STARD9: variants seen among roughly 807,000 people sequenced by gnomAD.
STARD9 encodes the protein stAR-related lipid transfer protein 9.
A neutral mutation model predicts 399.8 loss-of-function variants in STARD9; 346 were observed. The ratio of observed to expected loss-of-function variants is 0.87; its 90% CI spans 0.79 to 0.95. STARD9 has a LOEUF of 0.95. Among genes scored for constraint, STARD9 ranks in the 40% least tolerant of loss-of-function variants. The pLI is 0.00. For missense variants in STARD9, 5,832 were observed against 5,667.5 expected, an observed-to-expected ratio of 1.03 and a Z score of -0.93; for synonymous variants, 2,203 against 2,143.5, an observed-to-expected ratio of 1.03 and a Z score of -0.77.
intron 4 of STARD9, among the ~76,000 whole-genome samples, chr15:42,637,110 G>A (rs1242869252): frequency 1.3e-5 from 2 of 150,808 alleles, no homozygotes; most frequent in South Asian, 2.1e-4. Context: ...GCCACTAAAC[G>A]AAAAGTATAA....
chr15:42,718,957 C>G, intron 32 of STARD9, 47 bp downstream of exon 32: 1 of 1,503,828 alleles, frequency 6.6e-7, no homozygotes, highest in East Asian at 2.5e-5. Flanking sequence ...CTGACTTGGT[C>G]CCACAGCCCC....
rs1379939096 is a variant in STARD9 at position 42,665,923 on chromosome 15, G to A, written c.1317+75G>A. 2.3e-6 allele frequency: 3 copies of A among 1,285,904 alleles called. No individual in the cohort carries two copies. In the African/African-American group the frequency reaches 4.4e-5, roughly 19 times the overall value. 79.7% of individuals were successfully genotyped at this position (1,285,904 alleles called of 1,614,324 possible). ...CTCCATTATTCCGGAGCTAGGTAGGGTTGCTCCCTTGGCAGGGCAGAGAAG... is the reference window on the plus strand; with the variant it reads ...CTCCATTATTCCGGAGCTAGGTAGGATTGCTCCCTTGGCAGGGCAGAGAAG... On this transcript the variant is annotated intron_variant, in intron 15 of 32. Coordinates refer to ENST00000290607, the MANE Select transcript of STARD9 (RefSeq NM_020759.3).
chr15:42,686,199 A>T lies in STARD9; in HGVS notation c.4621A>T (p.Asn1541Tyr). Reference protein sequence around the residue: ...LLPVGPRVSSNLNLNNFPVHL... With the variant: ...LLPVGPRVSSYLNLNNFPVHL... Reference sequence around the variant, plus strand: ...GCCAGTTGGCCCTAGGGTATCTAGCAATCTGAATCTCAACAACTTTCCAGT... The same window carrying T: ...GCCAGTTGGCCCTAGGGTATCTAGCTATCTGAATCTCAACAACTTTCCAGT... The change falls in exon 23 of 33, where the codon AAT becomes TAT. Residue 1541 changes from asparagine to tyrosine, a missense_variant. Transcript: ENST00000290607. 6.5e-7 allele frequency: 1 copy of T among 1,537,676 alleles called. No homozygotes were observed. Among genetic ancestry groups the T allele is most frequent in the African/African-American group, 1.4e-5 (1 of 73,168 alleles).
At chr15:42,609,838 A>G (rs1483311542) in intron 3 of STARD9, among the ~76,000 whole-genome samples, 3 of 152,070 alleles carry the variant, frequency 2.0e-5, no homozygotes, top group Non-Finnish European at 2.9e-5. Context: ...CATGCCTGCA[A>G]TTCCAGCACT....
chr15:42,639,600 G>A (rs1188356967), intron 7 of STARD9, among the ~76,000 whole-genome samples: 1 of 152,118 alleles, frequency 6.6e-6, no homozygotes, highest in East Asian at 1.9e-4. Context: ...AGTGGCTTAC[G>A]CCTGTAATCC....
chr15:42,694,814 G>C, intron 24 of STARD9, 89 bp downstream of exon 24: 2 of 1,119,212 alleles, frequency 1.8e-6, no homozygotes, highest in Non-Finnish European at 1.3e-6. Flanking sequence ...GCATCCTGGA[G>C]GGTTCTCTAT....
Position 42,689,904 on chromosome 15 carries a change from A to G in STARD9, c.8326A>G (p.Ser2776Gly), listed in dbSNP as rs1490493986. ...GACTGCAGAGGGCATACCCCCTGGCAGTCAGGACAGCAGCCCAGAGCATCA... is the reference window on the plus strand; with the variant it reads ...GACTGCAGAGGGCATACCCCCTGGCGGTCAGGACAGCAGCCCAGAGCATCA... Reference protein sequence around the residue: ...QETAEGIPPGSQDSSPEHQEP... With the variant: ...QETAEGIPPGGQDSSPEHQEP... Residue 2776 changes from serine (S) to glycine (G), a missense_variant, in exon 23 of 33, where the codon AGT (serine) becomes GGT (glycine). By Grantham distance (56) the Ser-to-Gly change is moderately conservative. Around this residue, in one of 2 missense-constraint regions of STARD9, gnomAD observed 5,828 missense variants for 5,651.1 expected, o/e 1.03. Coordinates refer to ENST00000290607, the MANE Select transcript of STARD9 (RefSeq NM_020759.3). The G allele has an allele frequency of 2.0e-6, 3 of 1,537,724 alleles. No individual in the cohort carries two copies. Among genetic ancestry groups the G allele is most frequent in the South Asian group, 1.2e-5 (1 of 84,064 alleles).
rs1330187185 is a variant in STARD9, at chr15:42,718,827, G to A, written c.13918G>A (p.Gly4640Arg). 2 of 1,537,232 alleles carry A rather than the reference G, an allele frequency of 1.3e-6. No homozygotes were observed. The highest frequency in any genetic ancestry group is 4.9e-5 in the East Asian group (2 of 40,920). ...MPRPSRKMVR[G>R]EILPSAWILQ... ...AAGACCCAGCAGAAAAATGGTTCGC[G>A]GGGAGATCCTGCCCAGTGCCTGGAT... Residue 4640 changes from glycine to arginine, a missense_variant, in exon 32 of 33, where the codon GGG becomes AGG. By Grantham distance (125) the Gly-to-Arg change is moderately radical. Coordinates refer to ENST00000290607, the MANE Select transcript of STARD9 (RefSeq NM_020759.3).
chr15:42,661,168 A>G lies in STARD9; in HGVS notation c.713A>G (p.Glu238Gly). The G allele has an allele frequency of 6.5e-7, 1 of 1,536,652 alleles. No homozygotes were observed. The highest frequency in any genetic ancestry group is 8.7e-7 in the Non-Finnish European group (1 of 1,146,428). Residue 238 changes from glutamate (E) to glycine (G), a missense_variant, in exon 10 of 33, where the codon GAG becomes GGG. Transcript: ENST00000290607. ...TGTTTTCTCCTCTAGGCAATCCTGG[A>G]GAACAACCTCCCTTCTGAAATGGCT... Reference protein sequence around the residue: ...FTIHYTQAILENNLPSEMASK... With the variant: ...FTIHYTQAILGNNLPSEMASK...
chr15:42,663,428 C>T lies in STARD9; in HGVS notation c.1016C>T (p.Ser339Phe), dbSNP rs917290068. ...RRQSYIPYRD[S>F]VLTWLLKDSL... Reference sequence around the variant, plus strand: ...CAGTCTTATATCCCATACCGAGACTCTGTGTTGACCTGGCTGCTGAAGGAC... The same window carrying T: ...CAGTCTTATATCCCATACCGAGACTTTGTGTTGACCTGGCTGCTGAAGGAC... Residue 339 changes from serine to phenylalanine, a missense_variant, in exon 12 of 33, where the codon TCT (serine) becomes TTT (phenylalanine). This residue lies in a region of STARD9 where 5,828 missense variants were observed against 5,651.1 expected (regional missense o/e 1.03). Coordinates refer to ENST00000290607, the MANE Select transcript of STARD9 (RefSeq NM_020759.3). 1.3e-6 allele frequency: 2 copies of T among 1,536,674 alleles called. No individual in the cohort carries two copies. Among genetic ancestry groups the T allele is most frequent in the African/African-American group, 1.4e-5 (1 of 73,052 alleles).
At chr15:42,594,509 A>G (rs181162305) in intron 3 of STARD9, among the ~76,000 whole-genome samples, 44 of 152,362 alleles carry the variant, frequency 2.9e-4, no homozygotes, top group African/African-American at 1.1e-3. Flanking sequence ...ATCCTGATAC[A>G]TAGTAGCTAA....
Position 42,585,566 on chromosome 15 carries a change from A to G in STARD9, c.163A>G (p.Met55Val), listed in dbSNP as rs895883661. ...CTTTGGGGACTCCCGGGAGAAGGTT[A>G]TGGCATTTGGCTTTGATTACTGCTA... Reference protein sequence around the residue: ...DGFGDSREKVMAFGFDYCYWS... With the variant: ...DGFGDSREKVVAFGFDYCYWS... Residue 55 changes from methionine to valine, a missense_variant, in exon 3 of 33, where the codon ATG becomes GTG. Coordinates refer to ENST00000290607, the MANE Select transcript of STARD9 (RefSeq NM_020759.3). 2.0e-5 allele frequency: 31 copies of G among 1,537,086 alleles called. No homozygotes were observed. Among genetic ancestry groups the G allele is most frequent in the Non-Finnish European group, 2.7e-5 (31 of 1,146,890 alleles).
intron 16 of STARD9, chr15:42,671,957 A>G (rs1641915504): frequency 6.6e-6 from 1 of 152,130 alleles, no homozygotes; most frequent in South Asian, 2.1e-4. Context: ...GCTGATTTTC[A>G]TTGCTTAGTC....
chr15:42,694,533 AAAAG>A lies in STARD9; in HGVS notation c.12771_12774del (p.Lys4258ProfsTer28), dbSNP rs2060796536. The A allele has an allele frequency of 6.5e-7, 1 of 1,537,044 alleles. No individual in the cohort carries two copies. On this transcript the variant is annotated frameshift_variant, in exon 24 of 33. Coordinates refer to ENST00000290607, the MANE Select transcript of STARD9 (RefSeq NM_020759.3). LOFTEE classifies it high-confidence loss of function. ...CGAATCGTGTTTTGCCTCAGGCAAA[AAAAG>A]GCCATTGAGACCCTCAGGAGAGAGC...
chr15:42,612,246 G>A (rs950066930), intron 3 of STARD9, among the ~76,000 whole-genome samples: 1 of 152,172 alleles, frequency 6.6e-6, no homozygotes, highest in Admixed American at 6.5e-5. Context: ...CCAAAATGGT[G>A]GCATTACAGG....
intron 16 of STARD9, 126 bp downstream of exon 16, chr15:42,669,463 C>A (rs2060165503): frequency 1.2e-6 from 1 of 854,910 alleles, no homozygotes; most frequent in Non-Finnish European, 1.7e-6. Context: ...GAGCTGCCTT[C>A]AGGTTTGCTC....
intron 3 of STARD9, among the ~76,000 whole-genome samples, chr15:42,624,294 T>C (rs1016736671): frequency 2.6e-5 from 4 of 152,084 alleles, no homozygotes; most frequent in African/African-American, 7.2e-5. Context: ...ATGAAAAATA[T>C]TAAGTTGTCT....
intron 10 of STARD9, among the ~76,000 whole-genome samples, chr15:42,661,484 C>T (rs1307443450): frequency 6.6e-6 from 1 of 151,968 alleles, no homozygotes; most frequent in Non-Finnish European, 1.5e-5. Flanking sequence ...GTTGCCCAGG[C>T]TCCAGGCTGG....
chr15:42,717,912 C>A (rs1159640245), intron 29 of STARD9, 65 bp from the exon 30 acceptor site: 10 of 1,512,396 alleles, frequency 6.6e-6, no homozygotes, highest in Non-Finnish European at 8.9e-7. Context: ...TGAGCCCCTC[C>A]TTTGTGACCC....
Sources: gnomAD v4.1 joint callset for allele counts (sites outside exome capture counted in the v4.1 genomes callset) on GRCh38, gnomAD v4.1.1 for gene constraint, gnomAD v4.1.1 regional missense constraint, MANE v1.5 for transcripts, NCBI Gene and HGNC (gene_info 2026-07-23, HGNC 2026-07-21) for gene names.